Variants in VCF1 observed in about 807,000 individuals in gnomAD.
The protein encoded by VCF1 is protein VCF1.
At chr17:73,226,120 C>T in the VCF1 span, among the ~76,000 whole-genome samples, 3,787 of 151,752 alleles carry the variant, frequency 0.025, 172 homozygotes, top group African/African-American at 0.087. Context: ...CCAGGCTGGT[C>T]TCGAACTCCT....
At chr17:73,218,962 G>GTT in the VCF1 span, among the ~76,000 whole-genome samples, 1 of 152,080 alleles carries the variant, frequency 6.6e-6, no homozygotes, top group Non-Finnish European at 1.5e-5. Flanking sequence ...GGAGCTTGCA[G>GTT]TGAGCCGAGG....
At chr17:73,208,527 T>C in the VCF1 span, 1 of 1,521,892 alleles carries the variant, frequency 6.6e-7, no homozygotes. Context: ...GCTCATCTGA[T>C]TCTCAGCCAC....
chr17:73,209,023 C>T, the VCF1 span: 1 of 205,524 alleles, frequency 4.9e-6, no homozygotes, highest in Non-Finnish European at 1.0e-5. Context: ...AGAACATCTA[C>T]ATACTGAGAG....
At chr17:73,209,719 ATGCTGC>A in the VCF1 span, 96 of 1,474,378 alleles carry the variant, frequency 6.5e-5, no homozygotes, top group South Asian at 8.7e-5. Context: ...CGGGCTATTG[ATGCTGC>A]TGCTGCTGCT....
chr17:73,224,283 A>AAC, the VCF1 span, among the ~76,000 whole-genome samples: 1 of 151,248 alleles, frequency 6.6e-6, no homozygotes, highest in Non-Finnish European at 1.5e-5. Flanking sequence ...AAAAAAAAAA[A>AAC]AACCTTAAAA....
At chr17:73,223,352 GA>G in the VCF1 span, among the ~76,000 whole-genome samples, 2 of 152,046 alleles carry the variant, frequency 1.3e-5, no homozygotes, top group Admixed American at 1.3e-4. Context: ...TAAAATGGGG[GA>G]AAGAAGCCAT....
chr17:73,216,851 G>A, the VCF1 span, among the ~76,000 whole-genome samples: 1 of 152,106 alleles, frequency 6.6e-6, no homozygotes, highest in Admixed American at 6.6e-5. Context: ...AGTGTGCAAA[G>A]TCAGTTTAAG....
At chr17:73,223,203 G>GCTC in the VCF1 span, among the ~76,000 whole-genome samples, 3 of 152,186 alleles carry the variant, frequency 2.0e-5, no homozygotes, top group African/African-American at 7.2e-5. Flanking sequence ...TGTAATCCCA[G>GCTC]CTACTCGGGA....
At chr17:73,212,833 G>A in the VCF1 span, 1 of 808,580 alleles carries the variant, frequency 1.2e-6, no homozygotes, top group South Asian at 2.0e-5. Context: ...GCACAAGGGT[G>A]ATGCTACTCT....
chr17:73,219,211 A>C, the VCF1 span, among the ~76,000 whole-genome samples: 3 of 151,766 alleles, frequency 2.0e-5, no homozygotes, highest in East Asian at 1.9e-4. Context: ...AAAAAAAAAA[A>C]AACGACGAAA....
the VCF1 span, chr17:73,208,582 C>A: frequency 8.9e-7 from 1 of 1,125,930 alleles, no homozygotes; most frequent in South Asian, 1.2e-5. Flanking sequence ...CCCCTAGTTA[C>A]TGTTGGGGGT....
chr17:73,209,728 C>A, the VCF1 span: 1 of 1,541,290 alleles, frequency 6.5e-7, no homozygotes, highest in South Asian at 1.2e-5. Flanking sequence ...GATGCTGCTG[C>A]TGCTGCTGCT....
chr17:73,207,948 G>A, the VCF1 span: 9 of 1,197,180 alleles, frequency 7.5e-6, no homozygotes, highest in East Asian at 3.8e-4. Flanking sequence ...AAAAAAAAAA[G>A]CTCTTGCAAA....
At chr17:73,212,658 A>G in the VCF1 span, 1 of 1,583,014 alleles carries the variant, frequency 6.3e-7, no homozygotes, top group South Asian at 1.2e-5. Flanking sequence ...ACAGGTCACT[A>G]CACTCAATTA....
the VCF1 span, among the ~76,000 whole-genome samples, chr17:73,225,899 A>ATATATATAATATATATATATATT: frequency 8.7e-6 from 1 of 114,862 alleles, no homozygotes; most frequent in African/African-American, 3.8e-5. Flanking sequence ...ATATATATAT[A>ATATATATAATATATATATATATT]TTTTTTTTTT....
the VCF1 span, among the ~76,000 whole-genome samples, chr17:73,230,386 G>GT: frequency 1.4e-5 from 2 of 147,706 alleles, no homozygotes. Context: ...CCAATCTACT[G>GT]TGGGAGAGCC....
At chr17:73,212,678 C>T in the VCF1 span, 6 of 1,594,078 alleles carry the variant, frequency 3.8e-6, no homozygotes, top group African/African-American at 1.3e-5. Flanking sequence ...AGAAACCCAC[C>T]GCGCAGAACG....
At chr17:73,231,638 G>A in the VCF1 span, among the ~76,000 whole-genome samples, 2 of 152,332 alleles carry the variant, frequency 1.3e-5, no homozygotes, top group East Asian at 3.9e-4. Flanking sequence ...TTTCCCTGCT[G>A]CGGGGTTAAG....
At chr17:73,217,648 C>T in the VCF1 span, among the ~76,000 whole-genome samples, 1 of 150,022 alleles carries the variant, frequency 6.7e-6, no homozygotes, top group Non-Finnish European at 1.5e-5. Flanking sequence ...GACTCTGCCT[C>T]AAAAATAAAA....
Sources: allele counts gnomAD v4.1 joint callset (sites outside exome capture counted in the v4.1 genomes callset), GRCh38; gene constraint gnomAD v4.1.1; transcripts MANE v1.5; gene names NCBI Gene and HGNC (gene_info 2026-07-23, HGNC 2026-07-21).